The following C4orf50 variants were observed in gnomAD, a reference collection of about 807,000 sequenced individuals.
C4orf50 encodes the protein uncharacterized protein C4orf50.
In C4orf50, 80 loss-of-function variants were observed where a neutral mutation model predicts 77.2. That is an observed-to-expected ratio of 1.04 (90% CI 0.87 to 1.25). The LOEUF (loss-of-function observed/expected upper bound fraction) is 1.25. C4orf50 is among the 50% of genes most tolerant of loss of function. C4orf50 has a pLI of 0.00. For missense variants in C4orf50, 1,257 were observed against 1,152.9 expected, an observed-to-expected ratio of 1.09 and a Z score of -1.31; for synonymous variants, 532 against 465.3, an observed-to-expected ratio of 1.14 and a Z score of -1.84.
rs545796644 is a variant in C4orf50 at position 5,950,709 on chromosome 4, C to T, written c.*2474+6192G>A. Reference sequence around the variant, plus strand: ...GTTTCCTACCCACTGTCTCCACCCCCGTTTTTCTTCCCTCACGACATCGAT... The same window carrying T: ...GTTTCCTACCCACTGTCTCCACCCCTGTTTTTCTTCCCTCACGACATCGAT... On this transcript the variant is annotated intron_variant, in intron 7 of 7. Transcript: ENST00000324058. 2.1e-3 allele frequency among the ~76,000 whole-genome samples: 316 copies of T among 150,198 alleles called. 1 individual carries two copies. Among genetic ancestry groups the T allele is most frequent in the African/African-American group, 7.4e-3 (301 of 40,622 alleles).
intron 7 of C4orf50, among the ~76,000 whole-genome samples, chr4:5,949,493 C>T (rs115603273): frequency 0.017 from 2,621 of 152,156 alleles, 72 homozygotes; most frequent in African/African-American, 0.061. Flanking sequence ...CTAGAGTAGC[C>T]GGACTTATAG....
chr4:6,010,621 C>T (rs1018479582), intron 24 of C4orf50, among the ~76,000 whole-genome samples: 4 of 152,184 alleles, frequency 2.6e-5, no homozygotes, highest in East Asian at 3.9e-4. Context: ...GCCCCTGAAT[C>T]GATCTCACAT....
chr4:5,973,752 C>G, exon 31 of C4orf50: 1 of 1,613,974 alleles, frequency 6.2e-7, no homozygotes, highest in South Asian at 1.1e-5. Flanking sequence ...GCAGGAGGTT[C>G]CCCAGCCCAT....
intron 33 of C4orf50, among the ~76,000 whole-genome samples, chr4:5,960,746 G>C (rs545500552): frequency 5.3e-5 from 8 of 152,378 alleles, no homozygotes; most frequent in African/African-American, 1.9e-4. Flanking sequence ...CATGGAGGCA[G>C]TGTCTGAGCT....
chr4:5,925,616 A>G (rs1717481334), intron 7 of C4orf50, among the ~76,000 whole-genome samples: 1 of 152,214 alleles, frequency 6.6e-6, no homozygotes, highest in Non-Finnish European at 1.5e-5. Context: ...CTGGGTTTCT[A>G]TGGCAACCTG....
In C4orf50 at chr4:5,901,116, C is replaced by G. The variant is rs2152479617; in HGVS notation, c.*2475-2928G>C. 6.6e-6 allele frequency: 1 copy of G among 152,346 alleles called. No individual in the cohort carries two copies. Among genetic ancestry groups the G allele is most frequent in the African/African-American group, 2.4e-5 (1 of 41,576 alleles). The allele number at this position is 152,346 out of a possible 1,614,324, so 9.4% of individuals were successfully genotyped here. A position where few individuals can be genotyped will look rare whatever the true frequency, so the allele number is the denominator to read the frequency against. On this transcript the variant is annotated intron_variant, in intron 7 of 7. Coordinates refer to the C4orf50 transcript ENST00000324058. This position sits in a 1 kb window ranked among gnomAD's most constrained non-coding sequence, Gnocchi z 4.4. ...TGCTATGCCAACTAGCTGGCTGTTG[C>G]TAATCATAATCTATGAATGTGCAGT...
intron 23 of C4orf50, among the ~76,000 whole-genome samples, chr4:6,013,223 G>T (rs1268268445): frequency 6.6e-6 from 1 of 152,140 alleles, no homozygotes; most frequent in Admixed American, 6.5e-5. Flanking sequence ...AGGTCTCAAG[G>T]GTGGCAGACC....
chr4:5,967,528 C>T (rs1269862517), intron 31 of C4orf50, 66 bp from the exon 10 acceptor site: 1 of 1,407,058 alleles, frequency 7.1e-7, no homozygotes, highest in Non-Finnish European at 1.0e-6. Flanking sequence ...GCACAGAAGA[C>T]TGCAATTGGA....
Position 5,919,189 on chromosome 4 carries a change from C to T in C4orf50, c.*2475-21001G>A, listed in dbSNP as rs1371177059. Among the ~76,000 whole-genome samples, 1 of 152,156 alleles carries T rather than the reference C, an allele frequency of 6.6e-6. No homozygotes were observed. Among genetic ancestry groups the T allele is most frequent in the Non-Finnish European group, 1.5e-5 (1 of 68,020 alleles). On this transcript the variant is annotated intron_variant, in intron 7 of 7. Transcript: ENST00000324058. The surrounding 1 kb of genome is among the most constrained non-coding windows in gnomAD (Gnocchi z 6.5). ...CGCAGGACTCCTCTCTCATTCAGGG[C>T]CCCTGGCTGTGCCATTTCCGGAGCT...
intron 26 of C4orf50, 38 bp downstream of exon 4, chr4:5,994,309 C>A (rs1167647183): frequency 5.0e-6 from 2 of 399,020 alleles, no homozygotes; most frequent in Non-Finnish European, 8.8e-6. Flanking sequence ...TGGGTGCTGC[C>A]CGCGACTCGT....
intron 25 of C4orf50, among the ~76,000 whole-genome samples, chr4:5,998,877 A>G (rs1721710406): frequency 6.6e-6 from 1 of 152,216 alleles, no homozygotes; most frequent in Admixed American, 6.5e-5. Context: ...TGTCTTGCCA[A>G]ATATGAATGG....
exon 28 of C4orf50, chr4:5,990,178 A>C: frequency 8.0e-7 from 1 of 1,247,514 alleles, no homozygotes; most frequent in Non-Finnish European, 1.0e-6. Flanking sequence ...AGGCATCAAA[A>C]ACTCCTGCCA....
At chr4:5,966,066 T>C (rs1719546119) in intron 32 of C4orf50, among the ~76,000 whole-genome samples, 1 of 152,236 alleles carries the variant, frequency 6.6e-6, no homozygotes, top group African/African-American at 2.4e-5. Flanking sequence ...TAAGCTGCGC[T>C]TAAACAAGGC....
chr4:5,964,925 C>G, intron 33 of C4orf50, 99 bp downstream of exon 11: 13 of 1,126,920 alleles, frequency 1.2e-5, no homozygotes, highest in East Asian at 2.7e-5. Context: ...TGGTGGCTTT[C>G]TGGGTGTATA....
At chr4:5,987,236 C>G (rs2108787411) in intron 28 of C4orf50, among the ~76,000 whole-genome samples, 1 of 151,736 alleles carries the variant, frequency 6.6e-6, no homozygotes, top group South Asian at 2.1e-4. Context: ...CATGGGGAAA[C>G]CCCGTCTCTA....
At chr4:5,929,236 C>A (rs1350448861) in intron 7 of C4orf50, among the ~76,000 whole-genome samples, 1 of 152,208 alleles carries the variant, frequency 6.6e-6, no homozygotes, top group Non-Finnish European at 1.5e-5. Context: ...CCAAGAACCC[C>A]CAGAGCGGCT....
rs543822209 is a variant in C4orf50 at position 6,015,637 on chromosome 4, C to G, written c.287+2508G>C. Reference sequence around the variant, plus strand: ...CTCCTGCAGCTGTAACACGTCACCACAAGCTTGGCGGCCAGAAGTCGGAAT... The same window carrying G: ...CTCCTGCAGCTGTAACACGTCACCAGAAGCTTGGCGGCCAGAAGTCGGAAT... On this transcript the variant is annotated intron_variant, in intron 23 of 33. Coordinates refer to ENST00000531445, the Ensembl canonical transcript of C4orf50. This position sits in a 1 kb window ranked among gnomAD's most constrained non-coding sequence, Gnocchi z 4.4. 7.9e-4 allele frequency among the ~76,000 whole-genome samples: 121 copies of G among 152,280 alleles called. 1 individual carries two copies. The highest frequency in any genetic ancestry group is 1.4e-3 in the Non-Finnish European group (92 of 68,030).
chr4:5,981,802 G>C (rs1720604959), intron 28 of C4orf50, among the ~76,000 whole-genome samples: 1 of 151,120 alleles, frequency 6.6e-6, no homozygotes, highest in African/African-American at 2.4e-5. Context: ...TAGGAGCCCA[G>C]AAACTCAAAC....
At position 6,001,309 on chromosome 4, in the gene C4orf50, C is replaced by T. The variant is rs894912206; in HGVS notation, c.963+6687G>A. Among the ~76,000 whole-genome samples the T allele has an allele frequency of 2.6e-5, 4 of 152,098 alleles. No homozygotes were observed. In the East Asian group the frequency reaches 7.7e-4, roughly 29 times the overall value. On this transcript the variant is annotated intron_variant, in intron 25 of 33. Transcript: ENST00000531445. ...GGATTACAGGCGCATGCCACCATGCCCAGATAATTTTTGTATTTTTAGTAG... is the reference window on the plus strand; with the variant it reads ...GGATTACAGGCGCATGCCACCATGCTCAGATAATTTTTGTATTTTTAGTAG...
Sources: allele counts gnomAD v4.1 joint callset (sites outside exome capture counted in the v4.1 genomes callset), GRCh38; gene constraint gnomAD v4.1.1; non-coding constraint Gnocchi (gnomAD v3.1); transcripts MANE v1.5; gene names NCBI Gene and HGNC (gene_info 2026-07-23, HGNC 2026-07-21).